The following TSC22D1 variants were observed in gnomAD, a reference collection of about 807,000 sequenced individuals.
The protein encoded by TSC22D1 is TSC22 domain family member 1.
A neutral mutation model predicts 74.2 loss-of-function variants in TSC22D1; 9 were observed. The ratio of observed to expected loss-of-function variants is 0.12; its 90% confidence interval spans 0.07 to 0.21. TSC22D1 has a LOEUF of 0.21. Among genes scored for constraint, TSC22D1 ranks in the 10% least tolerant of loss-of-function variants. The probability of loss-of-function intolerance (pLI) is 1.00; values close to 1 mark genes in which losing one functional copy is unlikely to be tolerated. For missense variants in TSC22D1, 1,427 were observed against 1,304.7 expected, an observed-to-expected ratio of 1.09 and a Z score of -1.44; for synonymous variants, 586 against 492.5, an observed-to-expected ratio of 1.19 and a Z score of -2.51.
rs560038259 is a variant in TSC22D1 at position 44,576,231 on chromosome 13, T to C, written c.-157A>G. The C allele has an allele frequency of 1.8e-6, 2 of 1,107,314 alleles. No individual in the cohort carries two copies. The highest frequency in any genetic ancestry group is 2.6e-5 in the East Asian group (1 of 37,742). 68.6% of individuals were successfully genotyped at this position (1,107,314 alleles called of 1,614,324 possible). A position where few individuals can be genotyped will look rare whatever the true frequency, so the allele number is the denominator to read the frequency against. Reference sequence around the variant, plus strand: ...CTCAGCCAAAGGCGCCGGTCGCTCCTGCCTTCGAGAGCGAGCTTCGGAAAG... The same window carrying C: ...CTCAGCCAAAGGCGCCGGTCGCTCCCGCCTTCGAGAGCGAGCTTCGGAAAG... On this transcript the variant is annotated 5_prime_UTR_variant, in exon 1 of 3. Transcript: ENST00000458659.
intron 1 of TSC22D1, among the ~76,000 whole-genome samples, chr13:44,446,913 TATC>T (rs1315941138): frequency 1.3e-5 from 2 of 152,070 alleles, no homozygotes; most frequent in Admixed American, 6.5e-5. Flanking sequence ...ATATTTTCAT[TATC>T]ATTTTTTATT....
chr13:44,496,227 A>G (rs1878968616), intron 1 of TSC22D1, among the ~76,000 whole-genome samples: 1 of 152,216 alleles, frequency 6.6e-6, no homozygotes, highest in Non-Finnish European at 1.5e-5. Context: ...AAAGATGCTC[A>G]TCACTAGCCA....
intron 1 of TSC22D1, among the ~76,000 whole-genome samples, chr13:44,451,763 A>G (rs764632832): frequency 5.0e-4 from 76 of 152,370 alleles, no homozygotes; most frequent in Non-Finnish European, 9.7e-4. Flanking sequence ...AGATGAGGCC[A>G]TATCATGTCA....
chr13:44,474,335 A>G (rs1877775399), intron 1 of TSC22D1: 2 of 960,654 alleles, frequency 2.1e-6, no homozygotes, highest in African/African-American at 3.5e-5. Context: ...CAAGTGCTTC[A>G]GGAAGTAGTC....
intron 1 of TSC22D1, among the ~76,000 whole-genome samples, chr13:44,534,965 A>G (rs1881062916): frequency 6.6e-6 from 1 of 152,180 alleles, no homozygotes; most frequent in Non-Finnish European, 1.5e-5. Flanking sequence ...TGAATCATAA[A>G]TGCTGAGAGC....
At chr13:44,446,811 G>GGAAGAGGA (rs1875700581) in intron 1 of TSC22D1, among the ~76,000 whole-genome samples, 1 of 144,906 alleles carries the variant, frequency 6.9e-6, no homozygotes, top group Admixed American at 7.0e-5. Flanking sequence ...AAAAGGAGGA[G>GGAAGAGGA]GAAGAGGAGG....
chr13:44,466,775 GA>G (rs111450513), intron 1 of TSC22D1, among the ~76,000 whole-genome samples: 4 of 144,792 alleles, frequency 2.8e-5, no homozygotes, highest in African/African-American at 7.6e-5. Flanking sequence ...GTCTCAAAAA[GA>G]AAAAAAAAAG....
intron 1 of TSC22D1, among the ~76,000 whole-genome samples, chr13:44,551,392 GTGT>G (rs1566169553): frequency 6.3e-4 from 38 of 60,756 alleles, no homozygotes; most frequent in East Asian, 4.1e-3. Flanking sequence ...TCAGATGGGT[GTGT>G]GTGTGTGTGT....
At chr13:44,546,749 C>T (rs111712556) in intron 1 of TSC22D1, among the ~76,000 whole-genome samples, 194 of 146,738 alleles carry the variant, frequency 1.3e-3, no homozygotes, top group African/African-American at 4.5e-3. Context: ...GTGTGAAATA[C>T]GTGTGTGTGT....
chr13:44,539,034 T>G, intron 1 of TSC22D1: 1 of 985,362 alleles, frequency 1.0e-6, no homozygotes. Flanking sequence ...CTTCCTGGAA[T>G]CAAATCCTAC....
intron 1 of TSC22D1, among the ~76,000 whole-genome samples, chr13:44,516,577 T>C (rs139180695): frequency 6.6e-5 from 10 of 152,194 alleles, no homozygotes; most frequent in African/African-American, 2.2e-4. Context: ...TAAAGAAATA[T>C]TCTTTTTATG....
chr13:44,437,660 TG>T (rs1874832539), intron 1 of TSC22D1, among the ~76,000 whole-genome samples: 2 of 152,170 alleles, frequency 1.3e-5, no homozygotes, highest in Non-Finnish European at 2.9e-5. Flanking sequence ...ATCCACAGGT[TG>T]AATTCCACAT....
intron 1 of TSC22D1, among the ~76,000 whole-genome samples, chr13:44,489,875 T>C (rs1346535268): frequency 6.6e-6 from 1 of 151,604 alleles, no homozygotes; most frequent in Admixed American, 6.6e-5. Flanking sequence ...TTTCAAAGAC[T>C]GACAGGGGTT....
chr13:44,568,856 TAGAC>T (rs961057335), intron 1 of TSC22D1, among the ~76,000 whole-genome samples: 10 of 152,004 alleles, frequency 6.6e-5, no homozygotes, highest in East Asian at 1.9e-4. Flanking sequence ...ATTTCTATAA[TAGAC>T]AGGTGGGGAT....
chr13:44,534,681 T>A (rs1595143646), intron 1 of TSC22D1, among the ~76,000 whole-genome samples: 1 of 152,172 alleles, frequency 6.6e-6, no homozygotes, highest in South Asian at 2.1e-4. Flanking sequence ...TATTTCTTGA[T>A]CCTCAGTACA....
intron 1 of TSC22D1, among the ~76,000 whole-genome samples, chr13:44,514,846 C>T (rs915254290): frequency 1.3e-5 from 2 of 151,976 alleles, no homozygotes; most frequent in African/African-American, 2.4e-5. Flanking sequence ...GGTGACAGAA[C>T]AAGATCCTGT....
chr13:44,473,028 T>C (rs928500950), intron 1 of TSC22D1, among the ~76,000 whole-genome samples: 6 of 152,192 alleles, frequency 3.9e-5, no homozygotes, highest in Non-Finnish European at 8.8e-5. Flanking sequence ...TAGATGGCAG[T>C]AGGCAAAGAG....
intron 1 of TSC22D1, among the ~76,000 whole-genome samples, chr13:44,535,344 A>G (rs1230680963): frequency 6.6e-6 from 1 of 152,120 alleles, no homozygotes; most frequent in Non-Finnish European, 1.5e-5. Context: ...TGTACATATT[A>G]GTGGAAAAAA....
At chr13:44,444,874 A>G (rs750120805) in intron 1 of TSC22D1, among the ~76,000 whole-genome samples, 1 of 152,324 alleles carries the variant, frequency 6.6e-6, no homozygotes, top group Admixed American at 6.5e-5. Context: ...GAAGAAACAG[A>G]TAACTTGAAT....
Sources: allele counts gnomAD v4.1 joint callset (sites outside exome capture counted in the v4.1 genomes callset), GRCh38; gene constraint gnomAD v4.1.1; transcripts MANE v1.5; gene names NCBI Gene and HGNC (gene_info 2026-07-23, HGNC 2026-07-21).